The following HIPK1 variants were observed in gnomAD, a reference collection of about 807,000 sequenced individuals.
HIPK1 encodes the protein homeodomain interacting protein kinase 1.
Under a neutral mutation model 117.1 loss-of-function variants are expected in HIPK1, and 28 were observed. The observed-to-expected ratio is 0.24, with a 90% CI of 0.18 to 0.33. HIPK1 has a LOEUF of 0.33. Among genes scored for constraint, HIPK1 ranks in the 10% least tolerant of loss-of-function variants. The pLI, the probability that HIPK1 is intolerant of heterozygous loss-of-function variation, is 1.00. For synonymous variants in HIPK1, 605 were observed against 562.5 expected (o/e 1.08, Z -1.07); for missense variants, 1,122 against 1,475.1 (o/e 0.76, Z 3.92).
intron 3 of HIPK1, among the ~76,000 whole-genome samples, chr1:113,954,108 A>G (rs748823359): frequency 6.6e-6 from 1 of 152,112 alleles, no homozygotes; most frequent in South Asian, 2.1e-4. Flanking sequence ...CTATAGGTGC[A>G]TGCCACCTTG....
At chr1:113,950,283 G>C (rs1671262882) in intron 2 of HIPK1, among the ~76,000 whole-genome samples, 1 of 152,088 alleles carries the variant, frequency 6.6e-6, no homozygotes, top group African/African-American at 2.4e-5. Flanking sequence ...AGAAACCTGG[G>C]TATTCTGTGA....
chr1:113,934,760 G>T (rs1670137190), intron 1 of HIPK1, among the ~76,000 whole-genome samples: 1 of 142,454 alleles, frequency 7.0e-6, no homozygotes, highest in South Asian at 2.3e-4. Flanking sequence ...ACCAGCCTGG[G>T]TGACATAGTA....
rs1041570966 is a variant in HIPK1 at position 113,976,280 on chromosome 1, G to A, written c.*2768G>A. ...AGTTTGTATAATTTCTGTCACTAGT[G>A]TCATACAGTTTTCTGGTCAACATGT... On this transcript the variant is annotated 3_prime_UTR_variant, in exon 16 of 16. Coordinates refer to ENST00000426820, the MANE Select transcript of HIPK1 (RefSeq NM_198268.3). The A allele has an allele frequency of 6.6e-6, 1 of 152,362 alleles. No individual in the cohort carries two copies. Among genetic ancestry groups the A allele is most frequent in the Non-Finnish European group, 1.5e-5 (1 of 68,040 alleles). The allele number at this position is 152,362 out of a possible 1,614,324, so 9.4% of individuals were successfully genotyped here.
intron 8 of HIPK1, among the ~76,000 whole-genome samples, chr1:113,962,036 G>C (rs1434191242): frequency 6.6e-6 from 1 of 151,554 alleles, no homozygotes; most frequent in African/African-American, 2.4e-5. Flanking sequence ...ATGGAGATGG[G>C]ATGAATATTG....
chr1:113,958,576 T>C (rs564750671), intron 8 of HIPK1, among the ~76,000 whole-genome samples: 8 of 152,360 alleles, frequency 5.3e-5, no homozygotes. Context: ...ATGTCGTACG[T>C]CTTGTATAAG....
chr1:113,958,115 T>C lies in HIPK1; in HGVS notation c.1805T>C (p.Leu602Pro). Reference sequence around the variant, plus strand: ...ACTGCAGCAGCTGCTACTCTTTCTCTGGCTAATTCAGATGTCTCACTACTA... The same window carrying C: ...ACTGCAGCAGCTGCTACTCTTTCTCCGGCTAATTCAGATGTCTCACTACTA... ...SSTAAAATLS[L>P]ANSDVSLLNY... Residue 602 changes from leucine (L) to proline (P), a missense_variant, in exon 8 of 16, where the codon CTG (leucine) becomes CCG (proline). This residue lies in a region of HIPK1 where 731 missense variants were observed against 860.4 expected (regional missense o/e 0.85). Transcript: ENST00000426820. 6.2e-7 allele frequency: 1 copy of C among 1,614,216 alleles called. No homozygotes were observed. Among genetic ancestry groups the C allele is most frequent in the African/African-American group, 1.3e-5 (1 of 75,064 alleles).
At chr1:113,935,010 A>T in intron 1 of HIPK1, among the ~76,000 whole-genome samples, 1 of 144,924 alleles carries the variant, frequency 6.9e-6, no homozygotes, top group East Asian at 2.0e-4. Context: ...AAAAAAAAAG[A>T]ATCAGCTGTT....
At chr1:113,959,961 T>A (rs1414283826) in intron 8 of HIPK1, among the ~76,000 whole-genome samples, 1 of 152,214 alleles carries the variant, frequency 6.6e-6, no homozygotes, top group Non-Finnish European at 1.5e-5. Flanking sequence ...TTCCTTCATA[T>A]GCCCAAAGTC....
At chr1:113,935,011 A>G (rs2101127452) in intron 1 of HIPK1, among the ~76,000 whole-genome samples, 1 of 148,240 alleles carries the variant, frequency 6.7e-6, no homozygotes, top group Non-Finnish European at 1.5e-5. Context: ...AAAAAAAAGA[A>G]TCAGCTGTTT....
At chr1:113,951,350 C>A (rs1671352304) in intron 2 of HIPK1, 1 of 899,596 alleles carries the variant, frequency 1.1e-6, no homozygotes, top group Non-Finnish European at 1.3e-6. Context: ...AATTCTGGAG[C>A]CAGATTGCAG....
intron 2 of HIPK1, among the ~76,000 whole-genome samples, chr1:113,949,500 A>G (rs1286606141): frequency 6.6e-6 from 1 of 151,970 alleles, no homozygotes; most frequent in African/African-American, 2.4e-5. Flanking sequence ...ACATGCCATT[A>G]TGGTTGAGAT....
intron 9 of HIPK1, 106 bp from the exon 10 acceptor site, chr1:113,963,281 A>G (rs1332328082): frequency 3.8e-6 from 5 of 1,303,770 alleles, no homozygotes; most frequent in Non-Finnish European, 5.3e-6. Flanking sequence ...ATGCTATCAA[A>G]TTACTGTTCA....
chr1:113,958,016 G>C, intron 7 of HIPK1, 50 bp from the exon 8 acceptor site: 1 of 1,271,340 alleles, frequency 7.9e-7, no homozygotes, highest in Non-Finnish European at 1.1e-6. Flanking sequence ...TAAAATTATT[G>C]TGTGTCTCTA....
intron 14 of HIPK1, 145 bp downstream of exon 14, chr1:113,970,342 G>A: frequency 2.4e-6 from 2 of 838,512 alleles, no homozygotes; most frequent in South Asian, 1.7e-5. Flanking sequence ...TCAGTTCCCT[G>A]CACAATGTGA....
At chr1:113,972,032 A>G in intron 15 of HIPK1, 78 bp downstream of exon 15, 1 of 1,613,108 alleles carries the variant, frequency 6.2e-7, no homozygotes, top group Admixed American at 1.7e-5. Context: ...TTCTGGCTGG[A>G]TGCTGAATAA....
In HIPK1 at chr1:113,944,384, G is replaced by C. The variant is rs575893685; in HGVS notation, c.1076+2925G>C. On this transcript the variant is annotated intron_variant, in intron 2 of 15. Coordinates refer to ENST00000426820, the MANE Select transcript of HIPK1 (RefSeq NM_198268.3). ...TTACCATGTTGGCCAGGCTGGTCTC[G>C]AACTCCTGACCTCAGGTGATCTGCC... 7.4e-3 allele frequency among the ~76,000 whole-genome samples: 1,112 copies of C among 151,060 alleles called. 14 individuals carry two copies. The highest frequency in any genetic ancestry group is 0.026 in the African/African-American group (1,071 of 41,148).
Position 113,941,034 on chromosome 1 carries a change from T to C in HIPK1, c.651T>C (p.Ala217=). Residue 217 remains alanine, a synonymous_variant, in exon 2 of 16, where the codon GCT becomes GCC. Transcript: ENST00000426820. The surrounding 1 kb of genome is among the most constrained non-coding windows in gnomAD (Gnocchi z 4.9). ...AGAGGAGCACCAAGGAAATTGTGGC[T>C]ATTAAAATCTTGAAGAACCACCCCT... ...CWKRSTKEIV[A]IKILKNHPSY... The C allele has an allele frequency of 6.2e-7, 1 of 1,614,174 alleles. No individual in the cohort carries two copies. The highest frequency in any genetic ancestry group is 8.5e-7 in the Non-Finnish European group (1 of 1,180,042).
At position 113,972,987 on chromosome 1, in the gene HIPK1, A is replaced by G. The variant is rs965528245; in HGVS notation, c.3145-37A>G. On this transcript the variant is annotated intron_variant, in intron 15 of 15. Transcript: ENST00000426820. ...GCCTTTGGTGCCCTGAGCTGGAGTG[A>G]CCTCAGGATTCCTCACTTCTTCCTT... 8.0e-6 allele frequency: 12 copies of G among 1,508,954 alleles called. No individual in the cohort carries two copies. In the African/African-American group the frequency reaches 1.7e-4, roughly 21 times the overall value. The allele number at this position is 1,508,954 out of a possible 1,614,324, so 93.5% of individuals were successfully genotyped here.
At chr1:113,966,772 A>G (rs1672473072) in intron 11 of HIPK1, among the ~76,000 whole-genome samples, 1 of 152,140 alleles carries the variant, frequency 6.6e-6, no homozygotes, top group Non-Finnish European at 1.5e-5. Flanking sequence ...GTCATTTAAA[A>G]ATGTACAATT....
Sources: allele counts gnomAD v4.1 joint callset (sites outside exome capture counted in the v4.1 genomes callset), GRCh38; gene constraint gnomAD v4.1.1; regional missense constraint gnomAD v4.1.1; non-coding constraint Gnocchi (gnomAD v3.1); transcripts MANE v1.5; gene names NCBI Gene and HGNC (gene_info 2026-07-23, HGNC 2026-07-21).